The following SYT1 variants were observed in gnomAD, a reference collection of about 807,000 sequenced individuals.
The protein encoded by SYT1 is synaptotagmin 1.
In SYT1, 8 loss-of-function variants were observed where a neutral mutation model predicts 44.8. The ratio of observed to expected loss-of-function variants is 0.18; its 90% confidence interval spans 0.10 to 0.32. The LOEUF (loss-of-function observed/expected upper bound fraction) is 0.32, where lower values mean the gene tolerates loss of function less well. Among genes scored for constraint, SYT1 ranks in the 10% least tolerant of loss-of-function variants. The pLI is 1.00. For synonymous variants in SYT1, 154 were observed against 188.8 expected (o/e 0.82, Z 1.51); for missense variants, 286 against 509.3 (o/e 0.56, Z 4.22).
chr12:79,363,734 CAA>C (rs5799428), intron 9 of SYT1, among the ~76,000 whole-genome samples: 47 of 137,458 alleles, frequency 3.4e-4, no homozygotes, highest in African/African-American at 9.5e-4. Flanking sequence ...GTCCCTGTCT[CAA>C]AAAAAAAAAA....
chr12:78,976,315 T>A (rs1427961446), intron 1 of SYT1, among the ~76,000 whole-genome samples: 1 of 152,186 alleles, frequency 6.6e-6, no homozygotes, highest in Non-Finnish European at 1.5e-5. Flanking sequence ...AAAAGCAGCC[T>A]GAGCTGGAGT....
At chr12:79,389,508 A>T (rs1884569293) in intron 9 of SYT1, among the ~76,000 whole-genome samples, 1 of 152,176 alleles carries the variant, frequency 6.6e-6, no homozygotes, top group Non-Finnish European at 1.5e-5. Flanking sequence ...CCTCACAGTA[A>T]CCCTATATGG....
intron 4 of SYT1, among the ~76,000 whole-genome samples, chr12:79,222,969 G>T (rs1875267195): frequency 6.6e-6 from 1 of 151,862 alleles, no homozygotes; most frequent in Non-Finnish European, 1.5e-5. Flanking sequence ...TTAGCTCCAA[G>T]AATACTTTTT....
At chr12:78,983,622 G>A (rs1869427073) in intron 2 of SYT1, among the ~76,000 whole-genome samples, 1 of 151,936 alleles carries the variant, frequency 6.6e-6, no homozygotes, top group African/African-American at 2.4e-5. Context: ...CACTATTCCA[G>A]GATATTAGAA....
chr12:79,422,012 G>A (rs1053396828), intron 9 of SYT1, among the ~76,000 whole-genome samples: 5 of 151,992 alleles, frequency 3.3e-5, no homozygotes, highest in Non-Finnish European at 7.4e-5. Flanking sequence ...ACTCCAATCT[G>A]TCACCTTCTA....
chr12:79,277,262 C>T (rs185051960), intron 4 of SYT1, among the ~76,000 whole-genome samples: 5 of 152,088 alleles, frequency 3.3e-5, no homozygotes, highest in Admixed American at 6.5e-5. Flanking sequence ...AAAGAAATAA[C>T]ATATAAAGGA....
Position 79,287,974 on chromosome 12 carries a change from A to G in SYT1, c.351+2003A>G, listed in dbSNP as rs1159326762. Among the ~76,000 whole-genome samples the G allele has an allele frequency of 5.3e-5, 8 of 152,328 alleles. No homozygotes were observed. The East Asian group carries it at 1.5e-3, about 29-fold the overall frequency. ...AAAGATGTTTTCAGTTATTTTAGGT[A>G]GAGCACTTTGTCTACATAGGACATT... On this transcript the variant is annotated intron_variant, in intron 5 of 10. Transcript: ENST00000261205.
At chr12:79,101,248 A>C (rs747482407) in intron 3 of SYT1, among the ~76,000 whole-genome samples, 1 of 152,216 alleles carries the variant, frequency 6.6e-6, no homozygotes, top group Non-Finnish European at 1.5e-5. Context: ...GGATAAGTGA[A>C]TAAACAAAAT....
At chr12:78,952,107 A>G (rs2137299082) in intron 1 of SYT1, among the ~76,000 whole-genome samples, 1 of 152,260 alleles carries the variant, frequency 6.6e-6, no homozygotes, top group South Asian at 2.1e-4. Context: ...GATCATTTAC[A>G]TTAGCCGCAT....
chr12:79,448,799 A>G, intron 10 of SYT1, 119 bp from the exon 11 acceptor site: 1 of 853,900 alleles, frequency 1.2e-6, no homozygotes. Flanking sequence ...TTTCATCCTC[A>G]TCCTAGTGCT....
intron 2 of SYT1, among the ~76,000 whole-genome samples, chr12:79,019,881 A>AT (rs72452323): frequency 0.2 from 30,111 of 151,484 alleles, 3,467 homozygotes; most frequent in African/African-American, 0.33. Flanking sequence ...GCAAAAATAC[A>AT]TTTTTTTTCC....
intron 1 of SYT1, among the ~76,000 whole-genome samples, chr12:78,964,417 T>A (rs555329591): frequency 6.6e-6 from 1 of 152,306 alleles, no homozygotes; most frequent in South Asian, 2.1e-4. Context: ...GTGCTACTAT[T>A]TTCTTTTAAA....
intron 3 of SYT1, among the ~76,000 whole-genome samples, chr12:79,119,775 T>A (rs1309102529): frequency 1.3e-5 from 2 of 152,220 alleles, no homozygotes; most frequent in Non-Finnish European, 2.9e-5. Context: ...GGAAGATTCC[T>A]TTACTTCCTG....
chr12:79,428,169 G>A (rs1869558256), intron 9 of SYT1, among the ~76,000 whole-genome samples: 1 of 152,108 alleles, frequency 6.6e-6, no homozygotes, highest in Admixed American at 6.5e-5. Flanking sequence ...AAGACTGGAT[G>A]GTACAGTGCC....
chr12:79,386,736 A>G (rs1029759136), intron 9 of SYT1, among the ~76,000 whole-genome samples: 2 of 152,182 alleles, frequency 1.3e-5, no homozygotes, highest in Non-Finnish European at 2.9e-5. Context: ...AAAACGTCTC[A>G]GTGCCTGTTC....
chr12:79,261,325 A>G (rs1877818872), intron 4 of SYT1, among the ~76,000 whole-genome samples: 1 of 152,172 alleles, frequency 6.6e-6, no homozygotes, highest in Non-Finnish European at 1.5e-5. Flanking sequence ...AGAAATGTCT[A>G]CCTTCCTTCC....
chr12:79,283,177 TTGTC>T (rs1879137518), intron 4 of SYT1, among the ~76,000 whole-genome samples: 1 of 152,150 alleles, frequency 6.6e-6, no homozygotes, highest in Non-Finnish European at 1.5e-5. Context: ...ATTTTTTATT[TTGTC>T]TATCTAAAGG....
chr12:79,243,309 C>A (rs1401407777), intron 4 of SYT1, among the ~76,000 whole-genome samples: 1 of 152,088 alleles, frequency 6.6e-6, no homozygotes, highest in Non-Finnish European at 1.5e-5. Flanking sequence ...AATAGAATTT[C>A]TTAAATTGCC....
At chr12:79,300,220 T>C (rs1370898245) in intron 8 of SYT1, among the ~76,000 whole-genome samples, 1 of 152,180 alleles carries the variant, frequency 6.6e-6, no homozygotes, top group Admixed American at 6.5e-5. Context: ...TAATCAATTG[T>C]ATCTGATTAT....
Sources: gnomAD v4.1 joint callset for allele counts (sites outside exome capture counted in the v4.1 genomes callset) on GRCh38, gnomAD v4.1.1 for gene constraint, MANE v1.5 for transcripts, NCBI Gene and HGNC (gene_info 2026-07-23, HGNC 2026-07-21) for gene names.